Variants in PCDH7 observed in about 807,000 individuals in gnomAD.
The protein encoded by PCDH7 is protocadherin 7.
In PCDH7, 17 loss-of-function variants were observed where a neutral mutation model predicts 58.9. The observed-to-expected ratio is 0.29, with a 90% CI of 0.20 to 0.43. The LOEUF is 0.43. PCDH7 is among the 20% of genes least tolerant of loss of function. The pLI is 1.00. For missense variants in PCDH7, 1,274 were observed against 1,441.0 expected (o/e 0.88, Z 1.88); for synonymous variants, 664 against 616.4 (o/e 1.08, Z -1.14).
intron 1 of PCDH7, among the ~76,000 whole-genome samples, chr4:30,862,312 T>C (rs1018749596): frequency 5.9e-5 from 9 of 152,164 alleles, no homozygotes; most frequent in African/African-American, 1.9e-4. Context: ...AAATTCTCTG[T>C]AGCTAACATA....
intron 3 of PCDH7, among the ~76,000 whole-genome samples, chr4:31,075,259 A>G (rs1758890036): frequency 6.6e-6 from 1 of 152,138 alleles, no homozygotes; most frequent in Non-Finnish European, 1.5e-5. Context: ...TTTGCATGGT[A>G]CGATACTAAT....
chr4:30,999,039 T>C (rs1344662922), intron 3 of PCDH7, among the ~76,000 whole-genome samples: 1 of 152,060 alleles, frequency 6.6e-6, no homozygotes, highest in Non-Finnish European at 1.5e-5. Flanking sequence ...GGATAGAGGG[T>C]GGGACGCCAT....
At chr4:30,887,871 GTT>G (rs57677033) in intron 1 of PCDH7, among the ~76,000 whole-genome samples, 15 of 146,276 alleles carry the variant, frequency 1.0e-4, no homozygotes, top group African/African-American at 2.3e-4. Flanking sequence ...TTTCTTTTTG[GTT>G]TTTTTTTTTT....
Position 30,862,539 on chromosome 4 carries a change from C to T in PCDH7, c.71-57614C>T, listed in dbSNP as rs556653521. 5.9e-5 allele frequency among the ~76,000 whole-genome samples: 9 copies of T among 152,208 alleles called. No individual in the cohort carries two copies. The South Asian group carries it at 6.2e-4, about 11-fold the overall frequency. On this transcript the variant is annotated intron_variant, in intron 1 of 3. Coordinates refer to the PCDH7 transcript ENST00000509759. ...GAAGTGTGTACATAGTGAGATATTA[C>T]GGAATTACATTTAAGAAGTGATAAC... is the stretch of plus-strand genomic sequence containing the variant.
chr4:30,853,389 T>G (rs1283491013), intron 1 of PCDH7, among the ~76,000 whole-genome samples: 2 of 152,118 alleles, frequency 1.3e-5, no homozygotes, highest in African/African-American at 4.8e-5. Flanking sequence ...ATTTATCAAG[T>G]CTTCTAGGTG....
At chr4:30,935,457 A>G (rs993805951) in intron 2 of PCDH7, 1 of 231,472 alleles carries the variant, frequency 4.3e-6, no homozygotes, top group African/African-American at 2.3e-5. Context: ...TAACAAATAT[A>G]ATTCTATGAA....
intron 1 of PCDH7, among the ~76,000 whole-genome samples, chr4:30,912,281 T>C (rs2109406319): frequency 6.6e-6 from 1 of 152,308 alleles, no homozygotes; most frequent in South Asian, 2.1e-4. Flanking sequence ...TATGGAATCC[T>C]AAATATGTTT....
chr4:31,082,875 A>G (rs967141130), intron 3 of PCDH7, among the ~76,000 whole-genome samples: 6 of 152,092 alleles, frequency 3.9e-5, no homozygotes, highest in African/African-American at 9.7e-5. Context: ...GCCAAGGGCC[A>G]AGGTGGGCGG....
chr4:30,959,615 A>C (rs1307083372), intron 3 of PCDH7, among the ~76,000 whole-genome samples: 1 of 152,198 alleles, frequency 6.6e-6, no homozygotes. Flanking sequence ...TGTGTAGGCT[A>C]CTTTTTCTTC....
chr4:30,833,820 A>G (rs1261256424), intron 1 of PCDH7, among the ~76,000 whole-genome samples: 1 of 152,226 alleles, frequency 6.6e-6, no homozygotes, highest in Admixed American at 6.5e-5. Context: ...AATTACGCAG[A>G]TAATCAAATG....
At chr4:30,925,420 A>T (rs1266645874) in intron 2 of PCDH7, among the ~76,000 whole-genome samples, 1 of 152,210 alleles carries the variant, frequency 6.6e-6, no homozygotes, top group Non-Finnish European at 1.5e-5. Context: ...TAGATTGAGC[A>T]AACTTCTCTA....
At chr4:31,144,309 T>A (rs1300864499), downstream of PCDH7, 1 of 152,164 alleles carries the variant, frequency 6.6e-6, no homozygotes, top group East Asian at 1.9e-4. Context: ...GCAGTGACAT[T>A]TTTCACAGAA....
intron 3 of PCDH7, among the ~76,000 whole-genome samples, chr4:31,029,238 T>A (rs1329896567): frequency 6.6e-6 from 1 of 152,260 alleles, no homozygotes; most frequent in Non-Finnish European, 1.5e-5. Flanking sequence ...TAAAGGCCTA[T>A]AAGTCCATTT....
rs550242164 is a variant in PCDH7, at chr4:30,974,629, T to C, written c.*7+24414T>C. On this transcript the variant is annotated intron_variant, in intron 3 of 3. Coordinates refer to the PCDH7 transcript ENST00000509759. ...GCTAATTTCTGATAATTAACCAAAA[T>C]ATCCGGGAGTGCCAAGATGAATTAA... 2.0e-5 allele frequency among the ~76,000 whole-genome samples: 3 copies of C among 152,274 alleles called. No individual in the cohort carries two copies. In the South Asian group the frequency reaches 6.2e-4, roughly 32 times the overall value.
chr4:31,003,361 T>C (rs1341597421), intron 3 of PCDH7, among the ~76,000 whole-genome samples: 3 of 150,702 alleles, frequency 2.0e-5, no homozygotes, highest in Non-Finnish European at 4.4e-5. Flanking sequence ...TTGTAAACAT[T>C]TCACCACAAA....
chr4:30,859,341 A>G (rs1187827261), intron 1 of PCDH7, among the ~76,000 whole-genome samples: 2 of 152,100 alleles, frequency 1.3e-5, no homozygotes, highest in East Asian at 1.9e-4. Context: ...CTGTCCTAAT[A>G]CTTGTATACT....
intron 3 of PCDH7, among the ~76,000 whole-genome samples, chr4:31,120,218 T>G (rs574735875): frequency 4.5e-4 from 68 of 152,106 alleles, no homozygotes; most frequent in African/African-American, 1.6e-3. Context: ...TTCCTTCCTG[T>G]TTTTTCTCCC....
At chr4:30,861,738 A>G (rs988660598) in intron 1 of PCDH7, among the ~76,000 whole-genome samples, 1 of 152,142 alleles carries the variant, frequency 6.6e-6, no homozygotes, top group African/African-American at 2.4e-5. Flanking sequence ...TTACCTTCAT[A>G]TACAGGTACA....
At chr4:30,787,023 A>T (rs1723486093) in intron 1 of PCDH7, among the ~76,000 whole-genome samples, 1 of 152,112 alleles carries the variant, frequency 6.6e-6, no homozygotes, top group African/African-American at 2.4e-5. Context: ...TCAATATGGA[A>T]TAAAGGAGGG....
Sources: gnomAD v4.1 joint callset for allele counts (sites outside exome capture counted in the v4.1 genomes callset) on GRCh38, gnomAD v4.1.1 for gene constraint, MANE v1.5 for transcripts, NCBI Gene and HGNC (gene_info 2026-07-23, HGNC 2026-07-21) for gene names.